Variants in SLC9A9 observed in about 807,000 individuals in gnomAD.
The protein encoded by SLC9A9 is solute carrier family 9 member A9.
In SLC9A9, 62 loss-of-function variants were observed where a neutral mutation model predicts 77.8. That is an observed-to-expected ratio of 0.80 (90% CI 0.65 to 0.98). SLC9A9 has a LOEUF of 0.98. SLC9A9 is among the 50% of genes least tolerant of loss of function. SLC9A9 has a pLI of 0.00. For synonymous variants in SLC9A9, 320 were observed against 283.5 expected (o/e 1.13, Z -1.29); for missense variants, 775 against 774.9 (o/e 1.00, Z 0.00).
intron 4 of SLC9A9, among the ~76,000 whole-genome samples, chr3:143,738,043 T>C (rs1349188638): frequency 6.6e-6 from 1 of 152,254 alleles, no homozygotes; most frequent in Non-Finnish European, 1.5e-5. Context: ...TTCCCTTTAT[T>C]ACAGGGGTTG....
At chr3:143,726,577 G>C (rs1934661617) in intron 4 of SLC9A9, among the ~76,000 whole-genome samples, 1 of 152,118 alleles carries the variant, frequency 6.6e-6, no homozygotes, top group Non-Finnish European at 1.5e-5. Context: ...TCTGAACACA[G>C]TATGTGACAC....
intron 12 of SLC9A9, among the ~76,000 whole-genome samples, chr3:143,417,140 G>T (rs945225811): frequency 3.3e-5 from 5 of 152,074 alleles, no homozygotes; most frequent in Non-Finnish European, 7.4e-5. Context: ...GAGTGAGAAG[G>T]GAGAGAATCT....
intron 15 of SLC9A9, among the ~76,000 whole-genome samples, chr3:143,267,156 G>C (rs1340205505): frequency 6.6e-6 from 1 of 152,094 alleles, no homozygotes; most frequent in Non-Finnish European, 1.5e-5. Context: ...TCTGAGGTAA[G>C]AGGTGTTAAA....
rs78050438 is a variant in SLC9A9 at position 143,274,518 on chromosome 3, A to G, written c.1605-5538T>C. On this transcript the variant is annotated intron_variant, in intron 14 of 15. Transcript: ENST00000316549. Reference sequence around the variant, plus strand: ...AAGGCTGGATTTGTAGCATTTCCCAATTTCCATGGTGTATAAATACTCCCA... The same window carrying G: ...AAGGCTGGATTTGTAGCATTTCCCAGTTTCCATGGTGTATAAATACTCCCA... Among the ~76,000 whole-genome samples the G allele has an allele frequency of 1.6e-4, 25 of 152,272 alleles. No homozygotes were observed. The East Asian group carries it at 4.3e-3, about 26-fold the overall frequency.
chr3:143,377,244 T>C lies in SLC9A9; in HGVS notation c.1524+4816A>G, dbSNP rs545995933. Among the ~76,000 whole-genome samples the C allele has an allele frequency of 6.2e-4, 94 of 152,366 alleles. 2 individuals carry two copies. The South Asian group carries it at 0.018, about 30-fold the overall frequency. On this transcript the variant is annotated intron_variant, in intron 13 of 15. Coordinates refer to ENST00000316549, the MANE Select transcript of SLC9A9 (RefSeq NM_173653.4). The stretch of plus-strand genomic sequence containing the variant: ...AATTGTGCAAAAGAACAAATACTTT[T>C]ATTATTCACCCATGGCCTCTTCCAG...
At chr3:143,347,518 A>G (rs1163943647) in intron 14 of SLC9A9, among the ~76,000 whole-genome samples, 1 of 152,186 alleles carries the variant, frequency 6.6e-6, no homozygotes, top group African/African-American at 2.4e-5. Flanking sequence ...TGGGAACTAC[A>G]TCTCTTTAAG....
At chr3:143,735,702 T>C (rs893652573) in intron 4 of SLC9A9, among the ~76,000 whole-genome samples, 2 of 152,250 alleles carry the variant, frequency 1.3e-5, no homozygotes, top group Non-Finnish European at 2.9e-5. Context: ...TAATTTGATT[T>C]CTCAGGTATA....
At chr3:143,505,994 A>G (rs1295219542) in intron 9 of SLC9A9, among the ~76,000 whole-genome samples, 3 of 152,166 alleles carry the variant, frequency 2.0e-5, no homozygotes, top group Non-Finnish European at 2.9e-5. Flanking sequence ...TTAAAAAAAA[A>G]TTTTGCTATT....
intron 4 of SLC9A9, among the ~76,000 whole-genome samples, chr3:143,776,568 T>C (rs1336689197): frequency 1.3e-5 from 2 of 152,188 alleles, no homozygotes; most frequent in Non-Finnish European, 2.9e-5. Flanking sequence ...GTGGGCAATA[T>C]GCCATTCAAA....
Position 143,666,480 on chromosome 3 carries a change from G to GAA in SLC9A9, c.650-14121_650-14120insTT, listed in dbSNP as rs2039071743. 6.6e-5 allele frequency among the ~76,000 whole-genome samples: 10 copies of GAA among 152,258 alleles called. No homozygotes were observed. The South Asian group carries it at 2.1e-3, about 32-fold the overall frequency. On this transcript the variant is annotated intron_variant, in intron 5 of 15. Coordinates refer to ENST00000316549, the MANE Select transcript of SLC9A9 (RefSeq NM_173653.4). ...ATTCAACATAGTGTTGGACGTTCTG[G>GAA]CAAAGGCAATCAGACAGGAGAAAGA...
intron 4 of SLC9A9, among the ~76,000 whole-genome samples, chr3:143,782,147 T>C (rs1462694314): frequency 6.6e-6 from 1 of 152,236 alleles, no homozygotes; most frequent in Non-Finnish European, 1.5e-5. Context: ...ATCTTGTGGA[T>C]ATGAATTATA....
chr3:143,336,666 T>C (rs888261841), intron 14 of SLC9A9, among the ~76,000 whole-genome samples: 3 of 152,164 alleles, frequency 2.0e-5, no homozygotes, highest in African/African-American at 4.8e-5. Context: ...TACTGCATAA[T>C]AACCACTTAT....
chr3:143,661,047 G>GT (rs2038970951), intron 5 of SLC9A9, among the ~76,000 whole-genome samples: 2 of 152,122 alleles, frequency 1.3e-5, no homozygotes, highest in South Asian at 2.1e-4. Context: ...TTATTTGAAA[G>GT]TTTTTACCAT....
intron 6 of SLC9A9, among the ~76,000 whole-genome samples, chr3:143,650,725 A>G (rs1560012589): frequency 6.6e-6 from 1 of 152,250 alleles, no homozygotes; most frequent in Non-Finnish European, 1.5e-5. Flanking sequence ...AGAAAGGAAG[A>G]GCTCTTGCCA....
chr3:143,820,329 C>T (rs116704106), intron 2 of SLC9A9, among the ~76,000 whole-genome samples: 1,527 of 152,324 alleles, frequency 0.01, 29 homozygotes, highest in African/African-American at 0.035. Context: ...TCAAGGACAA[C>T]TAAGTTTTCT....
At chr3:143,766,358 A>C (rs2007318651) in intron 4 of SLC9A9, among the ~76,000 whole-genome samples, 1 of 152,230 alleles carries the variant, frequency 6.6e-6, no homozygotes, top group African/African-American at 2.4e-5. Context: ...GTAAAGTCAG[A>C]CAACAAGGCC....
chr3:143,393,203 A>T (rs967544039), intron 12 of SLC9A9, among the ~76,000 whole-genome samples: 1 of 152,108 alleles, frequency 6.6e-6, no homozygotes, highest in Non-Finnish European at 1.5e-5. Flanking sequence ...GAAGTAAAGC[A>T]CTCCTCAGCA....
intron 2 of SLC9A9, among the ~76,000 whole-genome samples, chr3:143,809,965 C>A (rs896102511): frequency 6.6e-6 from 1 of 152,146 alleles, no homozygotes; most frequent in African/African-American, 2.4e-5. Flanking sequence ...TTCTGTCATA[C>A]TACAAAAGGT....
chr3:143,594,831 G>A (rs895138576), intron 6 of SLC9A9, among the ~76,000 whole-genome samples: 4 of 152,156 alleles, frequency 2.6e-5, no homozygotes, highest in Admixed American at 1.3e-4. Flanking sequence ...AAAAGGATTC[G>A]CTTCCCTCCA....
Sources: gnomAD v4.1 joint callset for allele counts (sites outside exome capture counted in the v4.1 genomes callset) on GRCh38, gnomAD v4.1.1 for gene constraint, MANE v1.5 for transcripts, NCBI Gene and HGNC (gene_info 2026-07-23, HGNC 2026-07-21) for gene names.